The following PSTPIP2 variants were observed in gnomAD, a reference collection of about 807,000 sequenced individuals.
The protein encoded by PSTPIP2 is proline-serine-threonine phosphatase-interacting protein 2.
A neutral mutation model predicts 63.3 loss-of-function variants in PSTPIP2; 33 were observed. That is an observed-to-expected ratio of 0.52 (90% CI 0.40 to 0.70). PSTPIP2 has a LOEUF of 0.70. PSTPIP2 is among the 30% of genes least tolerant of loss of function. The probability of loss-of-function intolerance (pLI) is 0.00; values close to 1 mark genes in which losing one functional copy is unlikely to be tolerated. For missense variants in PSTPIP2, 312 were observed against 400.7 expected (o/e 0.78, Z 1.89); for synonymous variants, 125 against 132.7 (o/e 0.94, Z 0.40).
chr18:46,005,381 T>C (rs2051714099), intron 6 of PSTPIP2, 88 bp downstream of exon 6: 2 of 1,090,870 alleles, frequency 1.8e-6, no homozygotes, highest in Non-Finnish European at 2.6e-6. Context: ...TTTTGAAATG[T>C]TATTTGAGTA....
chr18:46,026,586 C>G (rs1014940786), intron 2 of PSTPIP2, among the ~76,000 whole-genome samples: 1 of 152,168 alleles, frequency 6.6e-6, no homozygotes, highest in South Asian at 2.1e-4. Context: ...AAGAAAAGTA[C>G]AGGCTGGGCA....
chr18:46,069,846 G>C (rs1295683606), intron 1 of PSTPIP2, among the ~76,000 whole-genome samples: 1 of 151,974 alleles, frequency 6.6e-6, no homozygotes, highest in Non-Finnish European at 1.5e-5. Context: ...TCCATCAATA[G>C]AGGCATGCAC....
chr18:46,027,337 TAA>T (rs1907614263), intron 2 of PSTPIP2, among the ~76,000 whole-genome samples: 1 of 146,372 alleles, frequency 6.8e-6, no homozygotes, highest in African/African-American at 2.6e-5. Context: ...AATAAATAAA[TAA>T]ATAAAAATAT....
rs1293179649 is a variant in PSTPIP2, at chr18:45,985,052, G to A, written c.*407C>T. ...TCTTGCACCACTGAGGCTGTGTGTC[G>A]CCGTGGAAACTCCACAGCCAGGCTG... On this transcript the variant is annotated 3_prime_UTR_variant, in exon 15 of 15. Coordinates refer to ENST00000409746, the MANE Select transcript of PSTPIP2 (RefSeq NM_024430.4). 7 of 215,018 alleles carry A rather than the reference G, an allele frequency of 3.3e-5. No homozygotes were observed. Among genetic ancestry groups the A allele is most frequent in the Admixed American group, 2.8e-4 (5 of 17,970 alleles). 13.3% of individuals were successfully genotyped at this position (215,018 alleles called of 1,614,324 possible). A position where few individuals can be genotyped will look rare whatever the true frequency, so the allele number is the denominator to read the frequency against.
At chr18:46,025,985 C>T (rs1230078547) in intron 2 of PSTPIP2, among the ~76,000 whole-genome samples, 1 of 152,206 alleles carries the variant, frequency 6.6e-6, no homozygotes, top group Non-Finnish European at 1.5e-5. Context: ...GAACTCCTCA[C>T]CTCAGGTGAT....
chr18:46,000,934 A>G (rs2051657925), intron 6 of PSTPIP2, among the ~76,000 whole-genome samples: 1 of 152,242 alleles, frequency 6.6e-6, no homozygotes. Flanking sequence ...ATGAGAAAGA[A>G]TGGTTGACTA....
chr18:46,056,829 C>A (rs755499007), intron 1 of PSTPIP2, among the ~76,000 whole-genome samples: 2 of 151,896 alleles, frequency 1.3e-5, no homozygotes, highest in Non-Finnish European at 2.9e-5. Context: ...TGGCCAGATG[C>A]GGTGGCTCAC....
At chr18:46,055,772 G>C (rs562934953) in intron 1 of PSTPIP2, among the ~76,000 whole-genome samples, 14 of 152,258 alleles carry the variant, frequency 9.2e-5, no homozygotes. Flanking sequence ...TTTAAAACTT[G>C]CTAAAAGCAA....
chr18:46,012,630 G>A lies in PSTPIP2; in HGVS notation c.248-1343C>T, dbSNP rs542976281. Among the ~76,000 whole-genome samples the A allele has an allele frequency of 1.4e-3, 209 of 152,180 alleles. 1 individual carries two copies. The highest frequency in any genetic ancestry group is 4.5e-3 in the African/African-American group (188 of 41,528). ...CTACTAAAAATACAAAAAATTAGCCGGGCATGGTGGTGGGCACCTGTAGTC... is the reference window on the plus strand; with the variant it reads ...CTACTAAAAATACAAAAAATTAGCCAGGCATGGTGGTGGGCACCTGTAGTC... On this transcript the variant is annotated intron_variant, in intron 4 of 14. Coordinates refer to ENST00000409746, the MANE Select transcript of PSTPIP2 (RefSeq NM_024430.4).
intron 2 of PSTPIP2, among the ~76,000 whole-genome samples, chr18:46,036,011 A>G (rs1184453788): frequency 6.6e-6 from 1 of 150,650 alleles, no homozygotes; most frequent in East Asian, 2.0e-4. Flanking sequence ...ACAGAAGGGT[A>G]AACTAGATAA....
At chr18:46,028,174 GC>G (rs1907651958) in intron 2 of PSTPIP2, 1 of 333,050 alleles carries the variant, frequency 3.0e-6, no homozygotes, top group African/African-American at 2.3e-5. Flanking sequence ...AAGAAAAGAG[GC>G]GCGCATGCGC....
chr18:46,043,511 A>G (rs1471745175), intron 1 of PSTPIP2, among the ~76,000 whole-genome samples: 2 of 152,228 alleles, frequency 1.3e-5, no homozygotes, highest in Admixed American at 1.3e-4. Context: ...AATGTCCTCA[A>G]TCTGACAAAT....
chr18:46,007,662 CTATAT>C (rs72121496), intron 5 of PSTPIP2, among the ~76,000 whole-genome samples: 59,034 of 151,882 alleles, frequency 0.39, 12,199 homozygotes, highest in Middle Eastern at 0.59. Context: ...GGAGCTGCTA[CTATAT>C]TATATTTTGT....
At chr18:46,048,538 G>C (rs1908462964) in intron 1 of PSTPIP2, among the ~76,000 whole-genome samples, 1 of 152,184 alleles carries the variant, frequency 6.6e-6, no homozygotes, top group African/African-American at 2.4e-5. Context: ...CGTGCCTTCT[G>C]TTACTGAGAT....
At chr18:46,008,459 G>A (rs909806402) in intron 5 of PSTPIP2, among the ~76,000 whole-genome samples, 2 of 142,232 alleles carry the variant, frequency 1.4e-5, no homozygotes, top group Admixed American at 7.6e-5. Flanking sequence ...TTACAGGCAT[G>A]AGTGACCACA....
At chr18:45,999,723 C>T (rs545161772) in intron 6 of PSTPIP2, among the ~76,000 whole-genome samples, 189 bp from the exon 7 acceptor site, 2 of 152,326 alleles carry the variant, frequency 1.3e-5, no homozygotes, top group East Asian at 1.9e-4. Flanking sequence ...CTCTCTCTCT[C>T]TAGCCCTTTT....
intron 1 of PSTPIP2, among the ~76,000 whole-genome samples, chr18:46,067,739 C>G (rs956083779): frequency 3.3e-5 from 5 of 152,164 alleles, no homozygotes; most frequent in Non-Finnish European, 7.3e-5. Context: ...TCTGTATCAC[C>G]TCTTTTTTCT....
At chr18:45,995,825 G>A (rs2051588391) in intron 9 of PSTPIP2, among the ~76,000 whole-genome samples, 1 of 152,056 alleles carries the variant, frequency 6.6e-6, no homozygotes, top group Non-Finnish European at 1.5e-5. Flanking sequence ...TTGCTTTTTG[G>A]GTTTTTTTGA....
At chr18:45,992,274 G>A (rs1279438505) in intron 10 of PSTPIP2, 72 bp from the exon 11 acceptor site, 1 of 1,314,534 alleles carries the variant, frequency 7.6e-7, no homozygotes, top group African/African-American at 1.5e-5. Flanking sequence ...TAAAAACATG[G>A]GTTTGAGGCG....
Sources: gnomAD v4.1 joint callset for allele counts (sites outside exome capture counted in the v4.1 genomes callset) on GRCh38, gnomAD v4.1.1 for gene constraint, MANE v1.5 for transcripts, NCBI Gene and HGNC (gene_info 2026-07-23, HGNC 2026-07-21) for gene names.